Variants in SCN3A observed in about 807,000 individuals in gnomAD.
The protein encoded by SCN3A is sodium channel protein type 3 subunit alpha.
In SCN3A, 60 loss-of-function variants were observed where a neutral mutation model predicts 187.6. The ratio of observed to expected loss-of-function variants is 0.32; its 90% CI spans 0.26 to 0.40. The LOEUF (loss-of-function observed/expected upper bound fraction) is 0.40, where lower values mean the gene tolerates loss of function less well. Ranked by LOEUF, SCN3A falls within the 10% of genes least tolerant of loss-of-function variation. SCN3A has a pLI of 1.00. For missense variants in SCN3A, 1,601 were observed against 2,428.2 expected (o/e 0.66, Z 7.16); for synonymous variants, 788 against 829.2 (o/e 0.95, Z 0.85).
intron 5 of SCN3A, among the ~76,000 whole-genome samples, chr2:165,165,287 A>ATG (rs145221065): frequency 0.085 from 12,719 of 150,260 alleles, 1,340 homozygotes; most frequent in East Asian, 0.48. Context: ...CTGTATAGAG[A>ATG]TGTGTGTGTG....
At position 165,092,704 on chromosome 2, in the gene SCN3A, A is replaced by G. The variant is rs1685168525; in HGVS notation, c.4537-180T>C. 1 of 622,192 alleles carries G rather than the reference A, an allele frequency of 1.6e-6. No individual in the cohort carries two copies. The highest frequency in any genetic ancestry group is 2.8e-6 in the Non-Finnish European group (1 of 360,736). 38.5% of individuals were successfully genotyped at this position (622,192 alleles called of 1,614,324 possible). ...TAAAAAAAATGGAAAAAAAATTTAT[A>G]TAGCTAAACAAAGCATATTTGGTTT... On this transcript the variant is annotated intron_variant, in intron 26 of 27. Coordinates refer to ENST00000283254, the MANE Select transcript of SCN3A (RefSeq NM_006922.4). The surrounding 1 kb of genome is among the most constrained non-coding windows in gnomAD (Gnocchi z 4.2).
At chr2:165,110,024 C>A (rs954384210) in intron 21 of SCN3A, among the ~76,000 whole-genome samples, 1 of 152,086 alleles carries the variant, frequency 6.6e-6, no homozygotes, top group Admixed American at 6.6e-5. Context: ...GGCACCCTCC[C>A]CCATGCACTC....
At chr2:165,131,154 T>A (rs1348622400) in intron 16 of SCN3A, 90 bp downstream of exon 16, 1 of 760,880 alleles carries the variant, frequency 1.3e-6, no homozygotes, top group Non-Finnish European at 1.8e-6. Flanking sequence ...AAATTTAAAA[T>A]TAAAATTAAT....
At chr2:165,158,371 T>TA (rs1284441588) in intron 9 of SCN3A, among the ~76,000 whole-genome samples, 1 of 138,000 alleles carries the variant, frequency 7.2e-6, no homozygotes, top group Non-Finnish European at 1.5e-5. Context: ...TTTTGTCACA[T>TA]ATTCCATTTC....
In SCN3A at chr2:165,090,480, A is replaced by G; in HGVS notation, c.5673T>C (p.Ile1891=). 1 of 1,614,078 alleles carries G rather than the reference A, an allele frequency of 6.2e-7. No homozygotes were observed. The highest frequency in any genetic ancestry group is 8.5e-7 in the Non-Finnish European group (1 of 1,179,986). ...CTTGTTTACGTTTCAAAGTGGTTGT[A>G]ATAGGCTCATAAGAGACTTTGGAGG... ...SNPSKVSYEP[I]TTTLKRKQEE... is the part of the protein sequence containing the mutation. The change falls in exon 28 of 28, where the codon ATT becomes ATC. Residue 1891 remains isoleucine, a synonymous_variant. Coordinates refer to ENST00000283254, the MANE Select transcript of SCN3A (RefSeq NM_006922.4). The surrounding 1 kb of genome is among the most constrained non-coding windows in gnomAD (Gnocchi z 4.0).
At chr2:165,143,657 A>G (rs1688150643) in intron 12 of SCN3A, among the ~76,000 whole-genome samples, 1 of 152,224 alleles carries the variant, frequency 6.6e-6, no homozygotes, top group Non-Finnish European at 1.5e-5. Context: ...ACCAGCTTTA[A>G]TGTTTTAAGG....
chr2:165,146,382 ATGTG>A (rs5836018), intron 12 of SCN3A, among the ~76,000 whole-genome samples: 18,808 of 107,616 alleles, frequency 0.17, 1,274 homozygotes, highest in Non-Finnish European at 0.2. Flanking sequence ...ATATATATAT[ATGTG>A]TGTGTGTGTG....
chr2:165,117,065 C>A (rs570631556), intron 18 of SCN3A, among the ~76,000 whole-genome samples: 1 of 147,458 alleles, frequency 6.8e-6, no homozygotes, highest in East Asian at 2.0e-4. Flanking sequence ...TATTTTTATT[C>A]ATTTAAGAAA....
intron 14 of SCN3A, among the ~76,000 whole-genome samples, chr2:165,138,555 CAT>C (rs1175930071): frequency 2.6e-5 from 4 of 152,270 alleles, no homozygotes; most frequent in African/African-American, 9.6e-5. Context: ...TCTCTCCTCT[CAT>C]AGTTTCCATA....
intron 18 of SCN3A, among the ~76,000 whole-genome samples, chr2:165,125,299 AG>A (rs1225680020): frequency 3.3e-5 from 5 of 151,434 alleles, no homozygotes; most frequent in African/African-American, 1.2e-4. Context: ...GCAACCTGAC[AG>A]GATTAAACTT....
Position 165,097,506 on chromosome 2 carries a change from C to G in SCN3A, c.3985G>C (p.Val1329Leu). 6.2e-7 allele frequency: 1 copy of G among 1,613,860 alleles called. No individual in the cohort carries two copies. The change falls in exon 23 of 28, where the codon GTT becomes CTT. Residue 1329 changes from valine (V) to leucine (L), a missense_variant. Coordinates refer to ENST00000283254, the MANE Select transcript of SCN3A (RefSeq NM_006922.4). ...TTCATGATAGAGGGAATTGCTCCAA[C>G]AAGAGCATTCACAACCACCTAGAAG... The part of the protein sequence containing the change: ...EGMRVVVNAL[V>L]GAIPSIMNVL...
chr2:165,104,279 A>C (rs1001586803), intron 21 of SCN3A, among the ~76,000 whole-genome samples: 1 of 152,088 alleles, frequency 6.6e-6, no homozygotes, highest in Non-Finnish European at 1.5e-5. Context: ...TAAAGCTGTT[A>C]TATTAGCAGA....
At chr2:165,200,440 GA>G (rs137864031) in intron 1 of SCN3A, among the ~76,000 whole-genome samples, 1 of 151,724 alleles carries the variant, frequency 6.6e-6, no homozygotes, top group East Asian at 1.9e-4. Context: ...ATTTCTTGGT[GA>G]AAAAAAATCT....
At chr2:165,155,698 C>G in intron 10 of SCN3A, 64 bp downstream of exon 10, 1 of 1,590,456 alleles carries the variant, frequency 6.3e-7, no homozygotes, top group Non-Finnish European at 8.6e-7. Flanking sequence ...CACACCCAGC[C>G]TATGCTTTTC....
In SCN3A at chr2:165,127,939, C is replaced by T. The variant is rs759125218; in HGVS notation, c.3085G>A (p.Ala1029Thr). The T allele has an allele frequency of 2.5e-6, 4 of 1,613,974 alleles. No homozygotes were observed. The highest frequency in any genetic ancestry group is 3.4e-6 in the Non-Finnish European group (4 of 1,179,988). The change falls in exon 18 of 28, where the codon GCC becomes ACC. Residue 1029 changes from alanine to threonine, a missense_variant. By Grantham distance (58) the Ala-to-Thr change is moderately conservative. This residue lies in a region of SCN3A where 267 missense variants were observed against 313.2 expected (regional missense o/e 0.85). Coordinates refer to ENST00000283254, the MANE Select transcript of SCN3A (RefSeq NM_006922.4). ...KNKMRECFQK[A>T]FFRKPKVIEI... ...ATAACTTTTGGCTTTCTAAAAAAGG[C>T]TTTTTGGAAACACTCCCGCATCTTA...
At chr2:165,136,120 T>A (rs1023140166) in intron 15 of SCN3A, among the ~76,000 whole-genome samples, 1 of 152,160 alleles carries the variant, frequency 6.6e-6, no homozygotes, top group African/African-American at 2.4e-5. Flanking sequence ...CACAGATATT[T>A]ACCATGAACA....
intron 3 of SCN3A, among the ~76,000 whole-genome samples, chr2:165,171,713 T>C (rs988411049): frequency 6.6e-6 from 1 of 152,084 alleles, no homozygotes; most frequent in Non-Finnish European, 1.5e-5. Flanking sequence ...TACCAGTAAG[T>C]CTTAGTACAT....
At chr2:165,150,827 A>G (rs1355989133) in intron 11 of SCN3A, among the ~76,000 whole-genome samples, 1 of 152,126 alleles carries the variant, frequency 6.6e-6, no homozygotes, top group Non-Finnish European at 1.5e-5. Context: ...TAATAGAAAA[A>G]CCCAGTGCTT....
chr2:165,193,885 C>T (rs1237509302), intron 1 of SCN3A, among the ~76,000 whole-genome samples: 5 of 152,148 alleles, frequency 3.3e-5, no homozygotes, highest in Non-Finnish European at 7.3e-5. Flanking sequence ...GTAAACCACA[C>T]TGGAGCACAG....
Sources: gnomAD v4.1 joint callset for allele counts (sites outside exome capture counted in the v4.1 genomes callset) on GRCh38, gnomAD v4.1.1 for gene constraint, gnomAD v4.1.1 regional missense constraint, Gnocchi (gnomAD v3.1) non-coding constraint, MANE v1.5 for transcripts, NCBI Gene and HGNC (gene_info 2026-07-23, HGNC 2026-07-21) for gene names.